Variants in SEMA5A observed in about 807,000 individuals in gnomAD.
SEMA5A encodes the protein semaphorin-5A.
A neutral mutation model predicts 135.5 loss-of-function variants in SEMA5A; 55 were observed. The observed-to-expected ratio is 0.41, with a 90% CI of 0.33 to 0.51. The LOEUF (loss-of-function observed/expected upper bound fraction) is 0.51, where lower values mean the gene tolerates loss of function less well. SEMA5A is among the 20% of genes least tolerant of loss of function. SEMA5A has a pLI of 0.37. For synonymous variants in SEMA5A, 580 were observed against 546.5 expected, an observed-to-expected ratio of 1.06 and a Z score of -0.85; for missense variants, 1,290 against 1,419.9, an observed-to-expected ratio of 0.91 and a Z score of 1.47.
At chr5:9,544,825 C>A (rs538717409) in intron 1 of SEMA5A, among the ~76,000 whole-genome samples, 491 of 152,322 alleles carry the variant, frequency 3.2e-3, no homozygotes, top group Non-Finnish European at 5.2e-3. Flanking sequence ...GGGGAGCGAG[C>A]CGGGGGAATC....
chr5:9,353,319 G>GAAAGGAAAGGGAAGGAAAGGAAAGGA (rs1561177769), intron 3 of SEMA5A, among the ~76,000 whole-genome samples: 2 of 40,974 alleles, frequency 4.9e-5, no homozygotes, highest in African/African-American at 7.5e-5. Flanking sequence ...GAAGGGAAAG[G>GAAAGGAAAGGGAAGGAAAGGAAAGGA]AAGGAAAGGA....
intron 2 of SEMA5A, among the ~76,000 whole-genome samples, chr5:9,382,322 G>A (rs904047336): frequency 5.9e-5 from 9 of 151,354 alleles, no homozygotes; most frequent in African/African-American, 1.2e-4. Flanking sequence ...ATAAATAAAT[G>A]AATACATAAA....
chr5:9,100,472 G>A (rs1431907711), intron 16 of SEMA5A, among the ~76,000 whole-genome samples: 2 of 152,120 alleles, frequency 1.3e-5, no homozygotes, highest in African/African-American at 4.8e-5. Flanking sequence ...CTCAACCAAT[G>A]GTAGCTGGGA....
At chr5:9,052,287 G>A (rs183014564) in intron 19 of SEMA5A, among the ~76,000 whole-genome samples, 6 of 152,224 alleles carry the variant, frequency 3.9e-5, no homozygotes, top group African/African-American at 7.2e-5. Flanking sequence ...TTATTTTAAC[G>A]TTATAAAGTA....
intron 5 of SEMA5A, among the ~76,000 whole-genome samples, chr5:9,317,121 T>C (rs1475222500): frequency 6.6e-6 from 1 of 152,204 alleles, no homozygotes; most frequent in Admixed American, 6.6e-5. Context: ...TCTGATTCCT[T>C]AATAATAAAT....
chr5:9,472,641 T>C (rs10075555), intron 1 of SEMA5A, among the ~76,000 whole-genome samples: 2,152 of 152,194 alleles, frequency 0.014, 55 homozygotes, highest in African/African-American at 0.05. Flanking sequence ...ATAATTTTGT[T>C]CACTTCCAGA....
intron 1 of SEMA5A, among the ~76,000 whole-genome samples, chr5:9,490,550 A>C (rs1734950682): frequency 6.6e-6 from 1 of 152,354 alleles, no homozygotes; most frequent in African/African-American, 2.4e-5. Context: ...TGTATAATAA[A>C]TAAATAAATG....
chr5:9,493,271 G>A (rs1361590357), intron 1 of SEMA5A, among the ~76,000 whole-genome samples: 2 of 144,374 alleles, frequency 1.4e-5, no homozygotes, highest in African/African-American at 5.0e-5. Flanking sequence ...CTGTAAATAT[G>A]TATGTAGCAG....
chr5:9,337,967 C>T (rs538250709), intron 3 of SEMA5A, among the ~76,000 whole-genome samples, 155 bp from the exon 4 acceptor site: 1 of 152,286 alleles, frequency 6.6e-6, no homozygotes, highest in East Asian at 1.9e-4. Flanking sequence ...AGGTTTCCCT[C>T]AGGATGCCCC....
chr5:9,329,602 C>A (rs550787053), intron 4 of SEMA5A, among the ~76,000 whole-genome samples: 1 of 152,276 alleles, frequency 6.6e-6, no homozygotes, highest in East Asian at 1.9e-4. Flanking sequence ...TTGGATGAAC[C>A]CCATGTGGAC....
chr5:9,172,719 A>G (rs771252380), intron 11 of SEMA5A, among the ~76,000 whole-genome samples: 3 of 152,212 alleles, frequency 2.0e-5, no homozygotes, highest in Non-Finnish European at 4.4e-5. Flanking sequence ...ATTTCAGACA[A>G]TAATGCTCAA....
At chr5:9,403,260 CCCCA>C (rs1756740323) in intron 2 of SEMA5A, among the ~76,000 whole-genome samples, 1 of 152,116 alleles carries the variant, frequency 6.6e-6, no homozygotes, top group East Asian at 1.9e-4. Flanking sequence ...GAATTTAACT[CCCCA>C]ATACAAACCA....
chr5:9,055,221 A>G (rs1736825583), intron 18 of SEMA5A, among the ~76,000 whole-genome samples: 1 of 152,194 alleles, frequency 6.6e-6, no homozygotes, highest in Admixed American at 6.5e-5. Context: ...CAGTTTAGCT[A>G]ACTCCTGACT....
rs981464273 is a variant in SEMA5A at position 9,146,579 on chromosome 5, G to A, written c.1481+7909C>T. 1.3e-4 allele frequency among the ~76,000 whole-genome samples: 20 copies of A among 152,142 alleles called. 1 individual carries two copies. The highest frequency in any genetic ancestry group is 3.9e-4 in the Admixed American group (6 of 15,272). On this transcript the variant is annotated intron_variant, in intron 12 of 22. Transcript: ENST00000382496. ...AGGAGATTAGGTCCTAGTGTATTCC[G>A]GGATCAGACTTTAAAGATAAATCGA... is the stretch of plus-strand genomic sequence containing the variant.
At chr5:9,279,241 T>A (rs1281315412) in intron 5 of SEMA5A, among the ~76,000 whole-genome samples, 15 of 152,158 alleles carry the variant, frequency 9.9e-5, no homozygotes, top group Admixed American at 9.8e-4. Context: ...AGCTTTAAGA[T>A]TGAATGATGG....
chr5:9,493,400 G>A (rs1735135568), intron 1 of SEMA5A, among the ~76,000 whole-genome samples: 1 of 151,508 alleles, frequency 6.6e-6, no homozygotes, highest in African/African-American at 2.4e-5. Flanking sequence ...TTTTGAAAAT[G>A]GCCTCTATCT....
At chr5:9,196,732 C>T (rs1266762729) in intron 10 of SEMA5A, among the ~76,000 whole-genome samples, 7 of 152,190 alleles carry the variant, frequency 4.6e-5, no homozygotes, top group African/African-American at 1.7e-4. Context: ...TCTGTCCTTC[C>T]CAACAGGGAA....
chr5:9,291,986 C>A (rs1027676004), intron 5 of SEMA5A, among the ~76,000 whole-genome samples: 2 of 152,106 alleles, frequency 1.3e-5, no homozygotes, highest in Non-Finnish European at 2.9e-5. Flanking sequence ...AAGCCCCATT[C>A]CCCTACCTGG....
At chr5:9,197,803 TTTTA>T (rs895984683) in intron 9 of SEMA5A, among the ~76,000 whole-genome samples, 9 of 149,074 alleles carry the variant, frequency 6.0e-5, no homozygotes, top group South Asian at 2.1e-4. Context: ...CAGATATTTG[TTTTA>T]TTTGTCATCC....
Sources: gnomAD v4.1 joint callset for allele counts (sites outside exome capture counted in the v4.1 genomes callset) on GRCh38, gnomAD v4.1.1 for gene constraint, MANE v1.5 for transcripts, NCBI Gene and HGNC (gene_info 2026-07-23, HGNC 2026-07-21) for gene names.